The following DLGAP1 variants were observed in gnomAD, a reference collection of about 807,000 sequenced individuals.
DLGAP1 encodes disks large-associated protein 1.
DLGAP1 carries 11 observed loss-of-function variants against 90.8 expected under a neutral mutation model. That is an observed-to-expected ratio of 0.12 (90% CI 0.08 to 0.20). The LOEUF is 0.20. Ranked by LOEUF, DLGAP1 falls within the 10% of genes least tolerant of loss-of-function variation. The pLI is 1.00. For missense variants in DLGAP1, 1,050 were observed against 1,333.8 expected (o/e 0.79, Z 3.31); for synonymous variants, 558 against 540.7 (o/e 1.03, Z -0.44).
intron 1 of DLGAP1, among the ~76,000 whole-genome samples, chr18:4,444,376 G>C (rs1397676159): frequency 1.3e-5 from 2 of 152,174 alleles, no homozygotes; most frequent in African/African-American, 4.8e-5. Flanking sequence ...TGGGGAGAGA[G>C]TCATGATTTT....
chr18:4,045,054 T>C (rs1354308247), intron 2 of DLGAP1, among the ~76,000 whole-genome samples: 5 of 152,074 alleles, frequency 3.3e-5, no homozygotes, highest in African/African-American at 4.8e-5. Flanking sequence ...GTTATAATCA[T>C]AATTAACCCA....
At chr18:4,368,909 A>G (rs1306700570) in intron 1 of DLGAP1, among the ~76,000 whole-genome samples, 6 of 152,204 alleles carry the variant, frequency 3.9e-5, no homozygotes, top group African/African-American at 9.7e-5. Flanking sequence ...AGAGCAAGCA[A>G]TATTTCTCCC....
intron 2 of DLGAP1, among the ~76,000 whole-genome samples, chr18:4,099,014 C>T (rs1045010311): frequency 1.3e-5 from 2 of 152,158 alleles, no homozygotes; most frequent in African/African-American, 4.8e-5. Context: ...TGTAACTTTA[C>T]ATAAGTTACT....
At chr18:3,931,644 T>A (rs2072517454) in intron 3 of DLGAP1, among the ~76,000 whole-genome samples, 1 of 152,154 alleles carries the variant, frequency 6.6e-6, no homozygotes. Flanking sequence ...TTGGAGTAGG[T>A]CAAGTAGGTC....
chr18:4,422,182 A>C (rs750011006), intron 1 of DLGAP1, among the ~76,000 whole-genome samples: 7 of 151,690 alleles, frequency 4.6e-5, no homozygotes, highest in Admixed American at 1.3e-4. Context: ...GGCTTAATTT[A>C]TAATATATAT....
chr18:4,250,613 T>C (rs1039397017), intron 1 of DLGAP1, among the ~76,000 whole-genome samples: 1 of 152,232 alleles, frequency 6.6e-6, no homozygotes, highest in Non-Finnish European at 1.5e-5. Flanking sequence ...TGTCACCTCA[T>C]ACTTTAGCAA....
At chr18:4,343,256 G>A (rs2081235239) in intron 1 of DLGAP1, among the ~76,000 whole-genome samples, 1 of 150,302 alleles carries the variant, frequency 6.7e-6, no homozygotes, top group South Asian at 2.1e-4. Flanking sequence ...GCAGTGAGCT[G>A]AGATCGTGCC....
chr18:4,228,731 G>A (rs940131227), intron 1 of DLGAP1, among the ~76,000 whole-genome samples: 3 of 152,038 alleles, frequency 2.0e-5, no homozygotes, highest in African/African-American at 7.2e-5. Flanking sequence ...CACAGCTAAT[G>A]TCATATGGAA....
chr18:3,778,898 T>C (rs576896176), intron 5 of DLGAP1, among the ~76,000 whole-genome samples: 1 of 152,302 alleles, frequency 6.6e-6, no homozygotes, highest in Non-Finnish European at 1.5e-5. Context: ...CAGCCAGTCC[T>C]GCAGCCTTGT....
At chr18:3,975,466 T>C (rs549225977) in intron 3 of DLGAP1, among the ~76,000 whole-genome samples, 4 of 152,162 alleles carry the variant, frequency 2.6e-5, no homozygotes, top group Non-Finnish European at 4.4e-5. Context: ...TTGGCAAAGA[T>C]GTGGAGAAAT....
intron 7 of DLGAP1, among the ~76,000 whole-genome samples, chr18:3,613,275 A>G (rs958083608): frequency 4.0e-5 from 6 of 151,762 alleles, no homozygotes; most frequent in Non-Finnish European, 8.8e-5. Context: ...CCTTCTCAGG[A>G]AAAAAAAAGT....
chr18:4,098,054 C>T (rs1035308939), intron 2 of DLGAP1, among the ~76,000 whole-genome samples: 1 of 152,298 alleles, frequency 6.6e-6, no homozygotes, highest in African/African-American at 2.4e-5. Flanking sequence ...GCTGGGGCTA[C>T]AGGCCCACGC....
intron 3 of DLGAP1, among the ~76,000 whole-genome samples, chr18:3,970,681 A>G (rs2073428133): frequency 6.6e-6 from 1 of 152,220 alleles, no homozygotes; most frequent in African/African-American, 2.4e-5. Context: ...TTAGTTTTTA[A>G]TCAATTAATT....
intron 5 of DLGAP1, among the ~76,000 whole-genome samples, chr18:3,791,897 G>T (rs1203504216): frequency 6.6e-6 from 1 of 152,060 alleles, no homozygotes; most frequent in Non-Finnish European, 1.5e-5. Context: ...AAGCAACAGA[G>T]CGAGATTCTG....
intron 4 of DLGAP1, among the ~76,000 whole-genome samples, chr18:3,855,935 C>T (rs2069617029): frequency 1.3e-5 from 2 of 152,080 alleles, no homozygotes; most frequent in Admixed American, 6.6e-5. Context: ...TATTTTATGG[C>T]TCCAAGACAA....
chr18:4,334,278 G>T (rs2081021616), intron 1 of DLGAP1, among the ~76,000 whole-genome samples: 1 of 151,690 alleles, frequency 6.6e-6, no homozygotes, highest in African/African-American at 2.4e-5. Flanking sequence ...GCTCACCTCA[G>T]TCTATTTCAT....
At chr18:3,971,851 G>A (rs775563847) in intron 3 of DLGAP1, among the ~76,000 whole-genome samples, 16 of 152,088 alleles carry the variant, frequency 1.1e-4, no homozygotes, top group Non-Finnish European at 1.8e-4. Flanking sequence ...ATTTTAATAA[G>A]CATAATAATT....
intron 2 of DLGAP1, among the ~76,000 whole-genome samples, chr18:4,105,212 T>G (rs946897966): frequency 1.3e-5 from 2 of 152,140 alleles, no homozygotes; most frequent in Non-Finnish European, 2.9e-5. Flanking sequence ...CAGTCAGGGA[T>G]GGATGCTCAG....
chr18:4,427,485 T>A (rs1392860083), intron 1 of DLGAP1, among the ~76,000 whole-genome samples: 1 of 152,148 alleles, frequency 6.6e-6, no homozygotes. Flanking sequence ...CGAAGGAACC[T>A]TAGATTGGAA....
Sources: allele counts gnomAD v4.1 joint callset (sites outside exome capture counted in the v4.1 genomes callset), GRCh38; gene constraint gnomAD v4.1.1; transcripts MANE v1.5; gene names NCBI Gene and HGNC (gene_info 2026-07-23, HGNC 2026-07-21).